Variants in DENND11 observed in about 807,000 individuals in gnomAD.
DENND11 encodes DENN domain containing 11.
DENND11 carries 34 observed loss-of-function variants against 49.2 expected under a neutral mutation model. The ratio of observed to expected loss-of-function variants is 0.69; its 90% CI spans 0.53 to 0.92. The LOEUF (loss-of-function observed/expected upper bound fraction) is 0.92, where lower values mean the gene tolerates loss of function less well. Among genes scored for constraint, DENND11 ranks in the 40% least tolerant of loss-of-function variants. The probability of loss-of-function intolerance (pLI) is 0.00; values close to 1 mark genes in which losing one functional copy is unlikely to be tolerated. For synonymous variants in DENND11, 238 were observed against 230.3 expected (o/e 1.03, Z -0.30); for missense variants, 475 against 581.6 (o/e 0.82, Z 1.88).
intron 4 of DENND11, among the ~76,000 whole-genome samples, chr7:141,669,092 A>G (rs1797938287): frequency 6.9e-6 from 1 of 145,148 alleles, no homozygotes; most frequent in Non-Finnish European, 1.5e-5. Context: ...TCCCTCTCCC[A>G]CTCCCCCATT....
chr7:141,665,406 A>T, intron 5 of DENND11, 88 bp from the exon 6 acceptor site: 1 of 1,541,794 alleles, frequency 6.5e-7, no homozygotes, highest in Non-Finnish European at 8.8e-7. Context: ...CCTCTGCTCC[A>T]GGCTATCTGG....
intron 3 of DENND11, among the ~76,000 whole-genome samples, chr7:141,675,133 A>G (rs554532889): frequency 3.7e-4 from 57 of 152,334 alleles, no homozygotes; most frequent in African/African-American, 1.3e-3. Flanking sequence ...CTGTCCTTAT[A>G]GAAAGGGGAC....
At chr7:141,669,561 T>A (rs1797945601) in intron 4 of DENND11, among the ~76,000 whole-genome samples, 1 of 152,116 alleles carries the variant, frequency 6.6e-6, no homozygotes, top group African/African-American at 2.4e-5. Context: ...CTTTTCTTTA[T>A]ACGTGTGTTC....
At chr7:141,680,563 G>A (rs537658092) in intron 3 of DENND11, among the ~76,000 whole-genome samples, 2 of 151,974 alleles carry the variant, frequency 1.3e-5, no homozygotes, top group South Asian at 4.2e-4. Context: ...TTCCCAGATT[G>A]CCTTGCTACT....
At position 141,674,151 on chromosome 7, in the gene DENND11, G is replaced by A. The variant is rs760329252; in HGVS notation, c.597C>T (p.Leu199=). 6.3e-5 allele frequency: 99 copies of A among 1,577,288 alleles called. No individual in the cohort carries two copies. Among genetic ancestry groups the A allele is most frequent in the Non-Finnish European group, 7.8e-5 (91 of 1,161,330 alleles). The change falls in exon 4 of 9, where the codon CTC becomes CTT. Residue 199 remains leucine (L), a synonymous_variant. Transcript: ENST00000536163. Reference sequence around the variant, plus strand: ...TGCTGCCTCTGCCGGGACCAGCATGGAGCACCCCCTTTTTGTCCTCATAGA... The same window carrying A: ...TGCTGCCTCTGCCGGGACCAGCATGAAGCACCCCCTTTTTGTCCTCATAGA... ...AAFYEDKKGV[L]HAGPGRGSSL...
chr7:141,664,207 T>G lies in DENND11; in HGVS notation c.1137A>C (p.Glu379Asp). The part of the protein sequence containing the change: ...QMLLYSQEVE[E>D]DYNPCEEDLF... The stretch of plus-strand genomic sequence containing the variant: ...GGTCCTCTTCACAAGGGTTGTAGTC[T>G]TCTTCTACTTCCTGGGAGTACAACA... The change falls in exon 8 of 9, where the codon GAA becomes GAC. Residue 379 changes from glutamate to aspartate, a missense_variant. Glu to Asp is a conservative substitution (Grantham distance 45). Coordinates refer to ENST00000536163, the MANE Select transcript of DENND11 (RefSeq NM_001080392.2). The G allele has an allele frequency of 1.3e-6, 2 of 1,584,588 alleles. No individual in the cohort carries two copies. Among genetic ancestry groups the G allele is most frequent in the Non-Finnish European group, 1.7e-6 (2 of 1,163,834 alleles).
At position 141,666,397 on chromosome 7, in the gene DENND11, T is replaced by G; in HGVS notation, c.710A>C (p.Gln237Pro). 1 of 1,608,634 alleles carries G rather than the reference T, an allele frequency of 6.2e-7. No individual in the cohort carries two copies. The highest frequency in any genetic ancestry group is 8.5e-7 in the Non-Finnish European group (1 of 1,175,864). The change falls in exon 5 of 9, where the codon CAG (glutamine) becomes CCG (proline). Residue 237 changes from glutamine (Q) to proline (P), a missense_variant. Coordinates refer to ENST00000536163, the MANE Select transcript of DENND11 (RefSeq NM_001080392.2). ...CTGTTCTCCAAAGAACTTTATAAAC[T>G]GAGACATGCAGCCAGCTGGGTGTGT... ...KITHPAGCMS[Q>P]FIKFFGEQIL...
chr7:141,677,503 G>GTATATATA (rs140901096), intron 3 of DENND11, among the ~76,000 whole-genome samples: 1 of 134,194 alleles, frequency 7.5e-6, no homozygotes, highest in Non-Finnish European at 1.6e-5. Context: ...GTGTGTGTGT[G>GTATATATA]TATATATATA....
chr7:141,692,225 G>C (rs532244746), intron 1 of DENND11, among the ~76,000 whole-genome samples: 1 of 152,158 alleles, frequency 6.6e-6, no homozygotes, highest in Non-Finnish European at 1.5e-5. Context: ...TTATGCTATA[G>C]ACTCAATGCA....
rs1244979653 is a variant in DENND11 at position 141,666,291 on chromosome 7, A to G, written c.816T>C (p.Tyr272=). 2 of 1,611,062 alleles carry G rather than the reference A, an allele frequency of 1.2e-6. No individual in the cohort carries two copies. Among genetic ancestry groups the G allele is most frequent in the Non-Finnish European group, 1.7e-6 (2 of 1,178,412 alleles). Residue 272 remains tyrosine, a synonymous_variant, in exon 5 of 9, where the codon TAT becomes TAC. Transcript: ENST00000536163. ...FSPPPVGVVC[Y]RVYCCCCLAN... ...CTGACTCTGGCTTCTGGTTACCTCTATAGCACACCACGCCCACAGGTGGGG... is the reference window on the plus strand; with the variant it reads ...CTGACTCTGGCTTCTGGTTACCTCTGTAGCACACCACGCCCACAGGTGGGG...
chr7:141,665,798 G>GC (rs780343188), intron 5 of DENND11, among the ~76,000 whole-genome samples: 2 of 151,804 alleles, frequency 1.3e-5, no homozygotes, highest in Non-Finnish European at 2.9e-5. Flanking sequence ...CAGCTCAAAC[G>GC]CCCACAGGTC....
At chr7:141,682,376 T>C (rs1378595711) in intron 3 of DENND11, among the ~76,000 whole-genome samples, 1 of 152,202 alleles carries the variant, frequency 6.6e-6, no homozygotes, top group Non-Finnish European at 1.5e-5. Flanking sequence ...TTCCTGTTTG[T>C]AACCAATGCC....
chr7:141,666,452 G>A (rs748477262), intron 4 of DENND11, 27 bp from the exon 5 acceptor site: 1 of 1,537,762 alleles, frequency 6.5e-7, no homozygotes, highest in African/African-American at 1.4e-5. Flanking sequence ...GAATAGGGAG[G>A]AGAAAGAGTG....
intron 5 of DENND11, 86 bp downstream of exon 5, chr7:141,666,201 T>C (rs2117053032): frequency 1.4e-6 from 2 of 1,440,482 alleles, no homozygotes; most frequent in Non-Finnish European, 1.9e-6. Context: ...GCCCAAGCTC[T>C]TCCAAACTTG....
intron 1 of DENND11, among the ~76,000 whole-genome samples, chr7:141,688,683 T>C (rs938042859): frequency 1.4e-4 from 22 of 152,198 alleles, no homozygotes; most frequent in African/African-American, 5.1e-4. Flanking sequence ...CTACCATCCA[T>C]GTCTATTACC....
intron 4 of DENND11, among the ~76,000 whole-genome samples, chr7:141,671,923 T>C (rs1797988090): frequency 6.6e-6 from 1 of 152,226 alleles, no homozygotes; most frequent in South Asian, 2.1e-4. Context: ...CATACGCCAA[T>C]TGGCTTCCTG....
At chr7:141,667,164 G>A (rs1307003426) in intron 4 of DENND11, among the ~76,000 whole-genome samples, 7 of 152,002 alleles carry the variant, frequency 4.6e-5, no homozygotes, top group Admixed American at 2.6e-4. Context: ...CAACTGATTC[G>A]CCCACCTTGG....
chr7:141,666,946 A>C (rs188897127), intron 4 of DENND11, among the ~76,000 whole-genome samples: 17 of 152,180 alleles, frequency 1.1e-4, no homozygotes, highest in Admixed American at 1.1e-3. Flanking sequence ...TTTGAGATGG[A>C]GTCTGACTCA....
chr7:141,669,084 C>A (rs1028460184), intron 4 of DENND11, among the ~76,000 whole-genome samples: 6 of 152,092 alleles, frequency 3.9e-5, no homozygotes, highest in African/African-American at 1.4e-4. Context: ...CCCCTGTATC[C>A]CTCTCCCACT....
Sources: allele counts gnomAD v4.1 joint callset (sites outside exome capture counted in the v4.1 genomes callset), GRCh38; gene constraint gnomAD v4.1.1; transcripts MANE v1.5; gene names NCBI Gene and HGNC (gene_info 2026-07-23, HGNC 2026-07-21).